MAP9: variants seen among roughly 807,000 people sequenced by gnomAD.
MAP9 encodes microtubule-associated protein 9.
Under a neutral mutation model 75.2 loss-of-function variants are expected in MAP9, and 80 were observed. The observed-to-expected ratio is 1.06, with a 90% confidence interval of 0.89 to 1.28. MAP9 has a LOEUF of 1.28. MAP9 is among the 50% of genes most tolerant of loss of function. The pLI is 0.00. For missense variants in MAP9, 753 were observed against 719.9 expected (o/e 1.05, Z -0.53); for synonymous variants, 235 against 237.3 (o/e 0.99, Z 0.09).
At position 155,357,440 on chromosome 4, in the gene MAP9, C is replaced by T. The variant is rs757675956; in HGVS notation, c.1121+9G>A. 2.0e-6 allele frequency: 3 copies of T among 1,522,768 alleles called. No homozygotes were observed. The highest frequency in any genetic ancestry group is 2.7e-6 in the Non-Finnish European group (3 of 1,098,026). 94.3% of individuals were successfully genotyped at this position (1,522,768 alleles called of 1,614,324 possible). On this transcript the variant is annotated intron_variant, in intron 8 of 13. Coordinates refer to ENST00000311277, the MANE Select transcript of MAP9 (RefSeq NM_001039580.2). The stretch of plus-strand genomic sequence containing the variant: ...GCCCATAAATGACAAATATTGGTAA[C>T]TTTATTACCTGGCAGATGCACTGGA...
At chr4:155,357,553 C>A in intron 7 of MAP9, 34 bp from the exon 8 acceptor site, 1 of 1,265,254 alleles carries the variant, frequency 7.9e-7, no homozygotes, top group Non-Finnish European at 1.1e-6. Context: ...ATGATTTATT[C>A]ATGACAACTA....
At chr4:155,349,069 A>G (rs886957358) in intron 13 of MAP9, among the ~76,000 whole-genome samples, 2 of 152,212 alleles carry the variant, frequency 1.3e-5, no homozygotes, top group African/African-American at 4.8e-5. Context: ...GGAATAAAAA[A>G]GAGTATTTAC....
At chr4:155,356,581 A>G (rs528264969) in intron 8 of MAP9, among the ~76,000 whole-genome samples, 130 of 152,306 alleles carry the variant, frequency 8.5e-4, no homozygotes, top group African/African-American at 3.0e-3. Context: ...TGTTACATGA[A>G]GCATTCCAAA....
rs1229610212 is a variant in MAP9, at chr4:155,347,145, A to G, written c.*638T>C. ...AAAATTTCAGAGGTGGACTCATTAT[A>G]AAGTACCTATGATTATCACATAAGC... On this transcript the variant is annotated 3_prime_UTR_variant, in exon 14 of 14. Transcript: ENST00000311277. 6.6e-6 allele frequency: 1 copy of G among 152,210 alleles called. No homozygotes were observed. The highest frequency in any genetic ancestry group is 1.5e-5 in the Non-Finnish European group (1 of 68,032). The allele number at this position is 152,210 out of a possible 1,614,324, so 9.4% of individuals were successfully genotyped here. A position where few individuals can be genotyped will look rare whatever the true frequency, so the allele number is the denominator to read the frequency against.
At chr4:155,364,595 T>A (rs900416520) in intron 5 of MAP9, among the ~76,000 whole-genome samples, 14 of 148,652 alleles carry the variant, frequency 9.4e-5, no homozygotes, top group Non-Finnish European at 1.9e-4. Context: ...AGTAGATATA[T>A]AATATATATT....
chr4:155,350,656 TTTCA>T (rs1212183484), intron 13 of MAP9, among the ~76,000 whole-genome samples: 2 of 152,010 alleles, frequency 1.3e-5, no homozygotes, highest in Non-Finnish European at 2.9e-5. Context: ...ACACTACCTT[TTTCA>T]TTCAAAATTG....
intron 4 of MAP9, among the ~76,000 whole-genome samples, chr4:155,369,914 C>T (rs1042765804): frequency 6.6e-6 from 1 of 152,116 alleles, no homozygotes; most frequent in African/African-American, 2.4e-5. Flanking sequence ...TGCATTTTAC[C>T]TGCTATACAT....
intron 4 of MAP9, among the ~76,000 whole-genome samples, chr4:155,370,167 G>A (rs1293729963): frequency 6.6e-6 from 1 of 152,072 alleles, no homozygotes; most frequent in Non-Finnish European, 1.5e-5. Context: ...TAAATCCAGA[G>A]TATCAATATA....
chr4:155,357,470 C>G lies in MAP9; in HGVS notation c.1100G>C (p.Arg367Thr), dbSNP rs148445896. Residue 367 changes from arginine to threonine, a missense_variant, in exon 8 of 14, where the codon AGA becomes ACA. By Grantham distance (71) the Arg-to-Thr change is moderately conservative. Transcript: ENST00000311277. Reference sequence around the variant, plus strand: ...TTACCTGGCAGATGCACTGGATGCTCTATTATTTGTTGACTTTTTATTCTT... The same window carrying G: ...TTACCTGGCAGATGCACTGGATGCTGTATTATTTGTTGACTTTTTATTCTT... ...NIKNKKSTNN[R>T]ASSASARLMT... The G allele has an allele frequency of 1.3e-5, 20 of 1,560,254 alleles. No homozygotes were observed. In the Admixed American group the frequency reaches 3.2e-4, roughly 25 times the overall value.
At chr4:155,357,215 C>T in intron 8 of MAP9, 1 of 453,590 alleles carries the variant, frequency 2.2e-6, no homozygotes, top group Non-Finnish European at 4.0e-6. Flanking sequence ...ATTGCATAAA[C>T]ATTCCAGGCA....
At chr4:155,363,595 A>G (rs1358760840) in intron 5 of MAP9, among the ~76,000 whole-genome samples, 1 of 152,102 alleles carries the variant, frequency 6.6e-6, no homozygotes, top group Non-Finnish European at 1.5e-5. Flanking sequence ...ATACCAATAG[A>G]AAATCTGAAG....
Position 155,347,875 on chromosome 4 carries a change from G to T in MAP9, c.1852C>A (p.Arg618=). ...ENKEKQERIE[R]KQKKRHSFLE... ...AAGGAATGACGTTTCTTCTGTTTTC[G>T]TTCAATTCTTTCTTGTTTTTCCTTA... The change falls in exon 14 of 14, where the codon CGA becomes AGA. Residue 618 remains arginine, a synonymous_variant. Transcript: ENST00000311277. The T allele has an allele frequency of 1.3e-6, 2 of 1,571,206 alleles. No homozygotes were observed. Among genetic ancestry groups the T allele is most frequent in the Non-Finnish European group, 1.7e-6 (2 of 1,147,326 alleles).
intron 13 of MAP9, among the ~76,000 whole-genome samples, chr4:155,348,406 A>G (rs923253897): frequency 1.3e-5 from 2 of 152,180 alleles, no homozygotes; most frequent in Admixed American, 6.6e-5. Flanking sequence ...GCAAGTACTA[A>G]TATCACTTAA....
intron 2 of MAP9, 136 bp downstream of exon 2, chr4:155,375,640 C>T (rs1178196486): frequency 4.1e-6 from 2 of 488,400 alleles, no homozygotes; most frequent in African/African-American, 4.0e-5. Context: ...GGAGCCCAAA[C>T]ATGATCATGT....
chr4:155,363,199 A>G (rs922828596), intron 5 of MAP9: 1 of 152,174 alleles, frequency 6.6e-6, no homozygotes, highest in African/African-American at 2.4e-5. Flanking sequence ...GAAGCTAGAA[A>G]CTGAAAAGAA....
intron 9 of MAP9, 150 bp downstream of exon 9, chr4:155,355,566 T>C: frequency 3.5e-6 from 2 of 565,748 alleles, no homozygotes; most frequent in Non-Finnish European, 5.7e-6. Context: ...TAGTAAAATA[T>C]GATTACTCAT....
At chr4:155,352,495 A>T in intron 13 of MAP9, 101 bp downstream of exon 13, 2 of 1,178,620 alleles carry the variant, frequency 1.7e-6, no homozygotes, top group Non-Finnish European at 2.4e-6. Context: ...TCCAGGTAGA[A>T]ATGATCAGTA....
Position 155,352,627 on chromosome 4 carries a change from T to G in MAP9, c.1790A>C (p.Lys597Thr). 1 of 1,529,872 alleles carries G rather than the reference T, an allele frequency of 6.5e-7. No individual in the cohort carries two copies. Among genetic ancestry groups the G allele is most frequent in the Non-Finnish European group, 8.9e-7 (1 of 1,117,500 alleles). The allele number at this position is 1,529,872 out of a possible 1,614,324, so 94.8% of individuals were successfully genotyped here. A position where few individuals can be genotyped will look rare whatever the true frequency, so the allele number is the denominator to read the frequency against. The change falls in exon 13 of 14, where the codon AAA (lysine) becomes ACA (threonine). Residue 597 changes from lysine to threonine, a missense_variant. Physicochemically the swap from Lys to Thr is moderately conservative, Grantham distance 78. Coordinates refer to ENST00000311277, the MANE Select transcript of MAP9 (RefSeq NM_001039580.2). ...TTTTTCATATTCATTAATAGCTTGT[T>G]TATCTTTATCTTTTTTCTCAGCTCT... ...LKRAEKKDKD[K>T]QAINEYEKWL...
In MAP9 at chr4:155,343,930, G is replaced by C. The variant is rs1159628572; in HGVS notation, c.*3853C>G. On this transcript the variant is annotated 3_prime_UTR_variant, in exon 14 of 14. Coordinates refer to ENST00000311277, the MANE Select transcript of MAP9 (RefSeq NM_001039580.2). ...TATTATCCTATTAGCCAGTGTAAAT[G>C]CAAACTAGGAAAGTTGATATCTTTC... 6.6e-6 allele frequency: 1 copy of C among 151,844 alleles called. No homozygotes were observed. The highest frequency in any genetic ancestry group is 2.4e-5 in the African/African-American group (1 of 41,402). 9.4% of individuals were successfully genotyped at this position (151,844 alleles called of 1,614,324 possible).
Sources: allele counts gnomAD v4.1 joint callset (sites outside exome capture counted in the v4.1 genomes callset), GRCh38; gene constraint gnomAD v4.1.1; transcripts MANE v1.5; gene names NCBI Gene and HGNC (gene_info 2026-07-23, HGNC 2026-07-21).